The following DHRSX variants were observed in gnomAD, a reference collection of about 807,000 sequenced individuals.
DHRSX encodes dehydrogenase/reductase X-linked.
In DHRSX, 31 loss-of-function variants were observed where a neutral mutation model predicts 34.0. That is an observed-to-expected ratio of 0.91 (90% CI 0.69 to 1.23). The LOEUF (loss-of-function observed/expected upper bound fraction) is 1.23, where lower values mean the gene tolerates loss of function less well. DHRSX is among the 50% of genes most tolerant of loss of function. The pLI is 0.00. For missense variants in DHRSX, 414 were observed against 428.1 expected, an observed-to-expected ratio of 0.97 and a Z score of 0.29; for synonymous variants, 201 against 183.8, an observed-to-expected ratio of 1.09 and a Z score of -0.76.
At chrX:2,227,509 G>T (rs1244919475) in intron 6 of DHRSX, among the ~76,000 whole-genome samples, 1 of 126,582 alleles carries the variant, frequency 7.9e-6, no homozygotes, top group African/African-American at 3.1e-5. Context: ...GAAGGAAGGA[G>T]AGAGAAAGGA....
chrX:2,391,047 A>AT (rs2043330183), intron 3 of DHRSX, among the ~76,000 whole-genome samples: 1 of 152,014 alleles, frequency 6.6e-6, no homozygotes, highest in South Asian at 2.1e-4. Flanking sequence ...CTGCTTATCC[A>AT]TTTGCTTCTG....
chrX:2,486,373 A>G (rs2044928490), intron 1 of DHRSX: 1 of 152,232 alleles, frequency 6.6e-6, no homozygotes, highest in Non-Finnish European at 1.5e-5. Context: ...TCCCAGGATC[A>G]AGGGGTTCAG....
rs1365862303 is a variant in DHRSX, at chrX:2,298,608, A to ACACACACACACACACACG, written c.287-7006_287-7005insCGTGTGTGTGTGTGTGTG. Among the ~76,000 whole-genome samples the ACACACACACACACACACG allele has an allele frequency of 2.3e-4, 14 of 60,038 alleles. 1 individual carries two copies. The highest frequency in any genetic ancestry group is 5.5e-4 in the African/African-American group (13 of 23,424). 39.4% of individuals were successfully genotyped at this position (60,038 alleles called of 152,430 possible). On this transcript the variant is annotated intron_variant, in intron 3 of 6. Transcript: ENST00000334651. ...CTCCTGCAGGCGCGTGTGTACACAC[A>ACACACACACACACACACG]CACACACACACACACACACACACAC...
chrX:2,493,089 G>C (rs1346762624), intron 1 of DHRSX, among the ~76,000 whole-genome samples: 2 of 152,246 alleles, frequency 1.3e-5, no homozygotes, highest in African/African-American at 4.8e-5. Context: ...TGGGGTGCAA[G>C]GAGGGGGGTC....
In DHRSX at chrX:2,393,052, T is replaced by A. The variant is rs757975245; in HGVS notation, c.286+15693A>T. Reference sequence around the variant, plus strand: ...ATTCATATGTATATACATTATAATATAAATTCATATTATGTCATTATGTAT... The same window carrying A: ...ATTCATATGTATATACATTATAATAAAAATTCATATTATGTCATTATGTAT... On this transcript the variant is annotated intron_variant, in intron 3 of 6. Transcript: ENST00000334651. Among the ~76,000 whole-genome samples the A allele has an allele frequency of 3.4e-5, 5 of 146,614 alleles. No homozygotes were observed. The South Asian group carries it at 1.1e-3, about 31-fold the overall frequency.
rs1296234627 is a variant in DHRSX at position 2,303,849 on chromosome X, ATGGG to A, written c.287-12250_287-12247del. Among the ~76,000 whole-genome samples the A allele has an allele frequency of 7.8e-4, 27 of 34,572 alleles. 1 individual carries two copies. The highest frequency in any genetic ancestry group is 2.2e-3 in the Non-Finnish European group (15 of 6,824). 22.7% of individuals were successfully genotyped at this position (34,572 alleles called of 152,430 possible). On this transcript the variant is annotated intron_variant, in intron 3 of 6. Transcript: ENST00000334651. ...GGTGGGTGGATGGATGGATGGATGG[ATGGG>A]TGGATGGGTGGATGGGTGGATGGGT...
intron 3 of DHRSX, among the ~76,000 whole-genome samples, chrX:2,365,787 G>C (rs1235303165): frequency 6.6e-6 from 1 of 152,042 alleles, no homozygotes. Flanking sequence ...GTGAACACCG[G>C]GGCCTGTCGG....
chrX:2,479,666 TAAGG>T (rs1477063127), intron 1 of DHRSX, among the ~76,000 whole-genome samples: 1 of 150,348 alleles, frequency 6.7e-6, no homozygotes, highest in Non-Finnish European at 1.5e-5. Flanking sequence ...AGCATGTGGC[TAAGG>T]GACTGCCGCC....
intron 1 of DHRSX, among the ~76,000 whole-genome samples, chrX:2,431,063 T>C (rs962142925): frequency 9.2e-5 from 14 of 151,354 alleles, no homozygotes; most frequent in East Asian, 2.0e-4. Context: ...CGGTGGCTCA[T>C]GCCTGTAATC....
At chrX:2,225,251 A>G (rs1411628584) in intron 6 of DHRSX, among the ~76,000 whole-genome samples, 1 of 150,834 alleles carries the variant, frequency 6.6e-6, no homozygotes, top group Admixed American at 6.6e-5. Flanking sequence ...ACATGCTCAC[A>G]CTCATTCACA....
intron 4 of DHRSX, among the ~76,000 whole-genome samples, chrX:2,282,794 A>G (rs867297181): frequency 1.5e-4 from 6 of 40,654 alleles, no homozygotes; most frequent in Non-Finnish European, 2.3e-4. Flanking sequence ...GAGAGAGAGA[A>G]GAAAGAGAGA....
Position 2,440,393 on chromosome X carries a change from G to C in DHRSX, c.110-15089C>G, listed in dbSNP as rs776361951. ...TTTTTGTGTTTTTTTGTAGAGACAG[G>C]GTCTCCGTATGTTGCCCAGGCTGGT... On this transcript the variant is annotated intron_variant, in intron 1 of 6. Coordinates refer to ENST00000334651, the MANE Select transcript of DHRSX (RefSeq NM_145177.3). 1.3e-3 allele frequency among the ~76,000 whole-genome samples: 195 copies of C among 151,894 alleles called. 1 individual carries two copies. Among genetic ancestry groups the C allele is most frequent in the Non-Finnish European group, 2.3e-3 (156 of 67,964 alleles).
chrX:2,344,640 C>G (rs1408453413), intron 3 of DHRSX, among the ~76,000 whole-genome samples: 1 of 151,902 alleles, frequency 6.6e-6, no homozygotes, highest in Non-Finnish European at 1.5e-5. Flanking sequence ...CACATGTTCT[C>G]ACTCATAAGT....
chrX:2,239,633 G>A (rs1185168908), intron 6 of DHRSX, among the ~76,000 whole-genome samples: 9 of 152,034 alleles, frequency 5.9e-5, no homozygotes, highest in Non-Finnish European at 1.2e-4. Flanking sequence ...GCCAGACGTG[G>A]TGGCGGGCAC....
At chrX:2,310,143 G>C (rs1204798121) in intron 3 of DHRSX, among the ~76,000 whole-genome samples, 1 of 151,950 alleles carries the variant, frequency 6.6e-6, no homozygotes, top group Non-Finnish European at 1.5e-5. Flanking sequence ...AGTTCTTCCC[G>C]CACTTGTGGG....
chrX:2,269,002 T>A (rs1165407490), intron 4 of DHRSX, among the ~76,000 whole-genome samples: 2 of 152,276 alleles, frequency 1.3e-5, no homozygotes, highest in Non-Finnish European at 2.9e-5. Context: ...TGTTCAAAGA[T>A]GTATTTCAAT....
chrX:2,304,159 G>GGATGAACT (rs2042064663), intron 3 of DHRSX, among the ~76,000 whole-genome samples: 2 of 147,344 alleles, frequency 1.4e-5, no homozygotes, highest in African/African-American at 5.0e-5. Flanking sequence ...ATGGATGGAT[G>GGATGAACT]GATGGATGAA....
At chrX:2,258,001 G>A (rs1324354804) in intron 5 of DHRSX, among the ~76,000 whole-genome samples, 2 of 152,108 alleles carry the variant, frequency 1.3e-5, no homozygotes, top group South Asian at 2.1e-4. Context: ...ATAGGACTGA[G>A]GTCCTTATAA....
At chrX:2,340,697 T>C (rs1353661584) in intron 3 of DHRSX, among the ~76,000 whole-genome samples, 6 of 152,122 alleles carry the variant, frequency 3.9e-5, no homozygotes, top group Non-Finnish European at 7.3e-5. Context: ...TGCAAATTGA[T>C]ATTTGGACTT....
Sources: gnomAD v4.1 joint callset for allele counts (sites outside exome capture counted in the v4.1 genomes callset) on GRCh38, gnomAD v4.1.1 for gene constraint, MANE v1.5 for transcripts, NCBI Gene and HGNC (gene_info 2026-07-23, HGNC 2026-07-21) for gene names.